Variants in NEGR1 observed in about 807,000 individuals in gnomAD.
NEGR1 encodes the protein neuronal growth regulator 1, also known as IgLON family member 4.
In NEGR1, 10 loss-of-function variants were observed where a neutral mutation model predicts 40.9. The observed-to-expected ratio is 0.24, with a 90% CI of 0.15 to 0.42. NEGR1 has a LOEUF of 0.42. Among genes scored for constraint, NEGR1 ranks in the 10% least tolerant of loss-of-function variants. The probability of loss-of-function intolerance (pLI) is 1.00; values close to 1 mark genes in which losing one functional copy is unlikely to be tolerated. For missense variants in NEGR1, 352 were observed against 438.9 expected, an observed-to-expected ratio of 0.80 and a Z score of 1.77; for synonymous variants, 185 against 166.8, an observed-to-expected ratio of 1.11 and a Z score of -0.84.
intron 1 of NEGR1, among the ~76,000 whole-genome samples, chr1:72,205,279 C>G (rs1653351662): frequency 6.6e-6 from 1 of 151,882 alleles, no homozygotes; most frequent in African/African-American, 2.4e-5. Context: ...CAGAGAGTCT[C>G]TTAACTCTAT....
At chr1:71,752,088 C>T (rs551331438) in intron 3 of NEGR1, among the ~76,000 whole-genome samples, 30 of 152,168 alleles carry the variant, frequency 2.0e-4, no homozygotes, top group African/African-American at 6.3e-4. Context: ...GTAGTAACCA[C>T]GAAATAAAGT....
At chr1:71,619,264 T>G (rs1355517208) in intron 4 of NEGR1, among the ~76,000 whole-genome samples, 3 of 152,090 alleles carry the variant, frequency 2.0e-5, no homozygotes. Flanking sequence ...CTTAGAAAGA[T>G]GATCAAATGA....
chr1:72,004,384 GCAACCC>G (rs1646587096), intron 1 of NEGR1, among the ~76,000 whole-genome samples: 2 of 152,008 alleles, frequency 1.3e-5, no homozygotes, highest in Admixed American at 1.3e-4. Flanking sequence ...TCTGCTCATT[GCAACCC>G]CTGCCTCCCG....
intron 1 of NEGR1, among the ~76,000 whole-genome samples, chr1:71,962,262 CA>C (rs1646171802): frequency 6.6e-6 from 1 of 151,918 alleles, no homozygotes; most frequent in Non-Finnish European, 1.5e-5. Context: ...GGAAAGAAAT[CA>C]AAAAACATGA....
chr1:71,835,559 G>A (rs539353253), intron 2 of NEGR1, among the ~76,000 whole-genome samples: 3 of 152,146 alleles, frequency 2.0e-5, no homozygotes, highest in African/African-American at 7.2e-5. Flanking sequence ...AAAAGAGGAT[G>A]CTTAGTATTG....
At chr1:71,858,808 C>T (rs956064633) in intron 2 of NEGR1, among the ~76,000 whole-genome samples, 1 of 151,966 alleles carries the variant, frequency 6.6e-6, no homozygotes, top group Non-Finnish European at 1.5e-5. Flanking sequence ...TTGCCCTAAA[C>T]TGAATACAAG....
intron 1 of NEGR1, among the ~76,000 whole-genome samples, chr1:72,122,928 C>A (rs1391742351): frequency 1.3e-5 from 2 of 151,878 alleles, no homozygotes; most frequent in East Asian, 3.9e-4. Flanking sequence ...CATAACGGCA[C>A]CATGTAGGTT....
At position 71,824,435 on chromosome 1, in the gene NEGR1, G is replaced by T. The variant is rs1056769408; in HGVS notation, c.410-48138C>A. 3.3e-5 allele frequency among the ~76,000 whole-genome samples: 5 copies of T among 151,572 alleles called. No individual in the cohort carries two copies. In the South Asian group the frequency reaches 1.0e-3, roughly 32 times the overall value. On this transcript the variant is annotated intron_variant, in intron 2 of 6. Transcript: ENST00000357731. ...TGGATTCTTAAGAAAATTCTATAAT[G>T]TGAGAGCCATATAATCTTACCCATT...
chr1:71,621,043 A>T (rs143530597), intron 4 of NEGR1, among the ~76,000 whole-genome samples: 34 of 152,074 alleles, frequency 2.2e-4, no homozygotes, highest in Non-Finnish European at 4.4e-4. Context: ...TTAAATTAGG[A>T]TTATTACTAG....
chr1:71,574,226 T>C (rs761485732), intron 6 of NEGR1, among the ~76,000 whole-genome samples: 9 of 152,168 alleles, frequency 5.9e-5, no homozygotes. Flanking sequence ...GCTATCCCTA[T>C]GGGAACTGGG....
At chr1:71,830,838 T>C (rs1420692712) in intron 2 of NEGR1, among the ~76,000 whole-genome samples, 1 of 151,908 alleles carries the variant, frequency 6.6e-6, no homozygotes, top group Admixed American at 6.6e-5. Flanking sequence ...TTACATGCCA[T>C]AAATATTAGT....
intron 2 of NEGR1, among the ~76,000 whole-genome samples, chr1:71,896,916 G>C (rs1660990076): frequency 1.3e-5 from 2 of 152,048 alleles, no homozygotes; most frequent in African/African-American, 4.8e-5. Flanking sequence ...TTTTATAAAT[G>C]AAAAAATGAA....
chr1:71,617,896 G>C (rs889077605), intron 4 of NEGR1, among the ~76,000 whole-genome samples: 1 of 152,124 alleles, frequency 6.6e-6, no homozygotes, highest in African/African-American at 2.4e-5. Flanking sequence ...ATTACTTTTA[G>C]AAACACAGTC....
chr1:71,969,739 G>A (rs1646240672), intron 1 of NEGR1, among the ~76,000 whole-genome samples: 1 of 152,204 alleles, frequency 6.6e-6, no homozygotes, highest in Admixed American at 6.5e-5. Flanking sequence ...ATTCCCAGCT[G>A]CTTGTGGGAA....
chr1:71,775,408 C>A (rs933645151), intron 3 of NEGR1, among the ~76,000 whole-genome samples: 3 of 149,526 alleles, frequency 2.0e-5, no homozygotes, highest in Non-Finnish European at 1.5e-5. Context: ...TGCACTGGTG[C>A]GATCTCGGCT....
chr1:71,987,185 C>T (rs1570581240), intron 1 of NEGR1, among the ~76,000 whole-genome samples: 1 of 152,130 alleles, frequency 6.6e-6, no homozygotes, highest in East Asian at 1.9e-4. Context: ...ACGTCCAATT[C>T]CCTCCCAGAA....
In NEGR1 at chr1:71,688,329, G is replaced by GAT. The variant is rs1218984026; in HGVS notation, c.667+9677_667+9678dup. ...CTTTTCATATATATATATATATATA[G>GAT]ATAGATAGATAGATAGATAGATAGA... On this transcript the variant is annotated intron_variant, in intron 4 of 6. Transcript: ENST00000357731. Among the ~76,000 whole-genome samples the GAT allele has an allele frequency of 5.8e-5, 4 of 68,466 alleles. 1 individual carries two copies. The highest frequency in any genetic ancestry group is 4.6e-4 in the Admixed American group (2 of 4,324). 44.9% of individuals were successfully genotyped at this position (68,466 alleles called of 152,430 possible). A position where few individuals can be genotyped will look rare whatever the true frequency, so the allele number is the denominator to read the frequency against.
intron 1 of NEGR1, among the ~76,000 whole-genome samples, chr1:71,985,952 T>C (rs1341052518): frequency 6.6e-6 from 1 of 152,096 alleles, no homozygotes; most frequent in Non-Finnish European, 1.5e-5. Flanking sequence ...ACTTTGCTCA[T>C]GAGAAGGAAA....
chr1:71,544,237 A>G (rs1222818344), intron 6 of NEGR1, among the ~76,000 whole-genome samples: 1 of 151,656 alleles, frequency 6.6e-6, no homozygotes, highest in African/African-American at 2.4e-5. Flanking sequence ...TTTTTGCTAA[A>G]TTAATATTAG....
Sources: gnomAD v4.1 joint callset for allele counts (sites outside exome capture counted in the v4.1 genomes callset) on GRCh38, gnomAD v4.1.1 for gene constraint, MANE v1.5 for transcripts, NCBI Gene and HGNC (gene_info 2026-07-23, HGNC 2026-07-21) for gene names.